SPON1: variants seen among roughly 807,000 people sequenced by gnomAD.
SPON1 encodes the protein spondin-1.
Under a neutral mutation model 111.7 loss-of-function variants are expected in SPON1, and 52 were observed. The observed-to-expected ratio is 0.47, with a 90% CI of 0.37 to 0.59. SPON1 has a LOEUF of 0.59. Among genes scored for constraint, SPON1 ranks in the 20% least tolerant of loss-of-function variants. The probability of loss-of-function intolerance (pLI) is 0.00; values close to 1 mark genes in which losing one functional copy is unlikely to be tolerated. For synonymous variants in SPON1, 410 were observed against 395.8 expected, an observed-to-expected ratio of 1.04 and a Z score of -0.43; for missense variants, 957 against 1,068.5, an observed-to-expected ratio of 0.90 and a Z score of 1.46.
intron 6 of SPON1, among the ~76,000 whole-genome samples, chr11:14,235,678 CAAAAAAAAAAAAAAAA>C (rs56925967): frequency 4.2e-5 from 3 of 71,384 alleles, no homozygotes; most frequent in African/African-American, 1.1e-4. Flanking sequence ...GACCCTGCCT[CAAAAAAAAAAAAAAAA>C]AAAAAAAAAA....
chr11:14,160,772 ATATATATTTT>A (rs1847924448), intron 6 of SPON1, among the ~76,000 whole-genome samples: 3 of 41,828 alleles, frequency 7.2e-5, no homozygotes, highest in African/African-American at 2.9e-4. Flanking sequence ...TTATATATTT[ATATATATTTT>A]TATATATATT....
chr11:14,166,132 T>C (rs183240457), intron 6 of SPON1, among the ~76,000 whole-genome samples: 7 of 152,320 alleles, frequency 4.6e-5, no homozygotes, highest in Admixed American at 2.0e-4. Flanking sequence ...TTTAATTGGC[T>C]CTATAAGTCA....
intron 6 of SPON1, among the ~76,000 whole-genome samples, chr11:14,136,021 T>C (rs1554928050): frequency 6.6e-6 from 1 of 152,204 alleles, no homozygotes. Context: ...TCATAATCAT[T>C]ATGGACTGAG....
intron 3 of SPON1, among the ~76,000 whole-genome samples, chr11:14,054,678 A>G (rs780918567): frequency 1.9e-4 from 29 of 152,176 alleles, no homozygotes; most frequent in Non-Finnish European, 3.2e-4. Flanking sequence ...AGAAAATCAA[A>G]AATCAAGGAA....
chr11:14,151,533 T>C (rs556391753), intron 6 of SPON1, among the ~76,000 whole-genome samples: 1 of 152,096 alleles, frequency 6.6e-6, no homozygotes, highest in Non-Finnish European at 1.5e-5. Flanking sequence ...AAGCTCTGAG[T>C]GAGACCCTGT....
At chr11:14,233,612 C>T (rs1848827940) in intron 6 of SPON1, among the ~76,000 whole-genome samples, 1 of 152,046 alleles carries the variant, frequency 6.6e-6, no homozygotes, top group Admixed American at 6.6e-5. Flanking sequence ...CCCTGCATAC[C>T]TCTCACAAGC....
At chr11:13,973,702 C>T (rs1156357257) in intron 1 of SPON1, among the ~76,000 whole-genome samples, 3 of 152,054 alleles carry the variant, frequency 2.0e-5, no homozygotes, top group African/African-American at 7.2e-5. Context: ...TATATACTTC[C>T]TATTACCAAT....
chr11:14,060,483 T>C (rs1371348330), intron 3 of SPON1, among the ~76,000 whole-genome samples: 2 of 152,158 alleles, frequency 1.3e-5, no homozygotes, highest in African/African-American at 4.8e-5. Context: ...GATCCCTCTA[T>C]ACCTCAGCTT....
chr11:13,998,906 A>T (rs1554912134), intron 2 of SPON1, among the ~76,000 whole-genome samples: 1 of 152,244 alleles, frequency 6.6e-6, no homozygotes, highest in African/African-American at 2.4e-5. Context: ...CTTTTATGCA[A>T]AAAAGAACTT....
At chr11:13,964,491 G>T (rs1294563557) in intron 1 of SPON1, among the ~76,000 whole-genome samples, 1 of 152,226 alleles carries the variant, frequency 6.6e-6, no homozygotes. Flanking sequence ...CCTTCTTGGA[G>T]CGCTTTTCCC....
chr11:14,062,110 G>A (rs1043776796), intron 3 of SPON1, among the ~76,000 whole-genome samples: 4 of 146,960 alleles, frequency 2.7e-5, no homozygotes, highest in South Asian at 4.4e-4. Context: ...CCATTGCTCC[G>A]GACCTACACC....
At chr11:14,000,966 A>T (rs1212794665) in intron 2 of SPON1, among the ~76,000 whole-genome samples, 1 of 152,314 alleles carries the variant, frequency 6.6e-6, no homozygotes, top group East Asian at 1.9e-4. Flanking sequence ...AAGAACTTCT[A>T]ATGTCTACTG....
At chr11:14,173,899 C>T (rs1028220663) in intron 6 of SPON1, among the ~76,000 whole-genome samples, 2 of 151,974 alleles carry the variant, frequency 1.3e-5, no homozygotes, top group Non-Finnish European at 2.9e-5. Flanking sequence ...CAGTTCACCC[C>T]GTAGGGGATG....
At chr11:14,184,125 C>A (rs189935063) in intron 6 of SPON1, among the ~76,000 whole-genome samples, 7 of 152,288 alleles carry the variant, frequency 4.6e-5, no homozygotes, top group Non-Finnish European at 1.0e-4. Flanking sequence ...TTTCAACCAG[C>A]CTTAGTCCCT....
intron 6 of SPON1, among the ~76,000 whole-genome samples, chr11:14,169,107 C>T (rs575799505): frequency 2.9e-4 from 44 of 152,236 alleles, no homozygotes; most frequent in African/African-American, 1.1e-3. Flanking sequence ...AACTAGTTTA[C>T]ATTCTCACCA....
chr11:14,131,789 G>A (rs1417106547), intron 5 of SPON1, among the ~76,000 whole-genome samples: 1 of 152,160 alleles, frequency 6.6e-6, no homozygotes, highest in Non-Finnish European at 1.5e-5. Flanking sequence ...TGGTCACCAT[G>A]CCTTTCTTCC....
At chr11:14,233,581 A>T (rs980356487) in intron 6 of SPON1, among the ~76,000 whole-genome samples, 1 of 152,120 alleles carries the variant, frequency 6.6e-6, no homozygotes, top group Non-Finnish European at 1.5e-5. Flanking sequence ...TAACTAATTC[A>T]TTATTTATCC....
intron 13 of SPON1, among the ~76,000 whole-genome samples, chr11:14,260,386 T>C (rs1554941781): frequency 6.6e-6 from 1 of 151,922 alleles, no homozygotes; most frequent in East Asian, 1.9e-4. Flanking sequence ...AGCAGGGAGA[T>C]GAAAGAGAGT....
intron 6 of SPON1, among the ~76,000 whole-genome samples, chr11:14,156,268 G>GT (rs1847844955): frequency 1.4e-5 from 2 of 146,636 alleles, no homozygotes; most frequent in Non-Finnish European, 3.0e-5. Context: ...TTTTTCATGT[G>GT]TTTTTTGGCT....
Sources: allele counts gnomAD v4.1 joint callset (sites outside exome capture counted in the v4.1 genomes callset), GRCh38; gene constraint gnomAD v4.1.1; transcripts MANE v1.5; gene names NCBI Gene and HGNC (gene_info 2026-07-23, HGNC 2026-07-21).